Variants in EML4 observed in about 807,000 individuals in gnomAD.
EML4 encodes EMAP like 4.
Under a neutral mutation model 129.0 loss-of-function variants are expected in EML4, and 72 were observed. That is an observed-to-expected ratio of 0.56 (90% CI 0.46 to 0.68). EML4 has a LOEUF of 0.68. Among genes scored for constraint, EML4 ranks in the 30% least tolerant of loss-of-function variants. The probability of loss-of-function intolerance (pLI) is 0.00; values close to 1 mark genes in which losing one functional copy is unlikely to be tolerated. For missense variants in EML4, 1,363 were observed against 1,190.6 expected, an observed-to-expected ratio of 1.14 and a Z score of -2.13; for synonymous variants, 532 against 405.0, an observed-to-expected ratio of 1.31 and a Z score of -3.77.
rs1667869403 is a variant in EML4 at position 42,295,130 on chromosome 2, A to T, written c.1224A>T (p.Thr408=). ...KKAKGAEIKT[T]NEVVLAVEFH... is the part of the protein sequence containing the mutation. The stretch of plus-strand genomic sequence containing the variant: ...CTTTATTTCCCTTTTCATAGACAAC[A>T]AATGAAGTTGTTTTGGCTGTGGAGT... Residue 408 remains threonine (T), a synonymous_variant, in exon 12 of 23, where the codon ACA becomes ACT. Transcript: ENST00000318522. 1.9e-6 allele frequency: 3 copies of T among 1,608,128 alleles called. No homozygotes were observed. The highest frequency in any genetic ancestry group is 1.7e-6 in the Non-Finnish European group (2 of 1,178,368).
At chr2:42,175,223 C>T (rs187081574) in intron 1 of EML4, among the ~76,000 whole-genome samples, 191 of 151,636 alleles carry the variant, frequency 1.3e-3, no homozygotes, top group Middle Eastern at 3.5e-3. Flanking sequence ...AGCTATTCTC[C>T]TGCCTCAAGC....
At chr2:42,220,404 G>A (rs1420765267) in intron 1 of EML4, among the ~76,000 whole-genome samples, 1 of 151,860 alleles carries the variant, frequency 6.6e-6, no homozygotes, top group East Asian at 1.9e-4. Context: ...ATCTCTTACG[G>A]TGACCTGTGA....
intron 6 of EML4, among the ~76,000 whole-genome samples, chr2:42,272,334 T>C (rs1666418299): frequency 6.6e-6 from 1 of 152,220 alleles, no homozygotes; most frequent in South Asian, 2.1e-4. Flanking sequence ...AAAAATATTC[T>C]ATTGTTTTCC....
intron 2 of EML4, among the ~76,000 whole-genome samples, chr2:42,246,238 T>C (rs1675394368): frequency 6.6e-6 from 1 of 152,186 alleles, no homozygotes; most frequent in South Asian, 2.1e-4. Flanking sequence ...CAAGACCCTG[T>C]TGCTCTGAGT....
chr2:42,311,278 TA>T (rs1440280577), intron 17 of EML4, among the ~76,000 whole-genome samples: 1 of 152,158 alleles, frequency 6.6e-6, no homozygotes, highest in East Asian at 1.9e-4. Context: ...TTCTCCAAAA[TA>T]AAAATTGGGC....
chr2:42,283,217 C>T (rs889948748), intron 8 of EML4, among the ~76,000 whole-genome samples: 4 of 152,206 alleles, frequency 2.6e-5, no homozygotes, highest in Non-Finnish European at 5.9e-5. Context: ...TCTGCTTTCT[C>T]ATGTCGTACA....
intron 6 of EML4, among the ~76,000 whole-genome samples, chr2:42,266,130 C>G (rs868761992): frequency 3.9e-5 from 6 of 152,190 alleles, no homozygotes; most frequent in African/African-American, 1.4e-4. Context: ...ATTTTTACTT[C>G]TTTCGTTCCA....
intron 19 of EML4, chr2:42,319,597 A>C (rs1038055872): frequency 1.3e-5 from 2 of 151,984 alleles, no homozygotes; most frequent in Non-Finnish European, 2.9e-5. Context: ...GCTTTTATCT[A>C]TTGTCTGCTG....
At chr2:42,210,360 AG>A (rs1672821422) in intron 1 of EML4, among the ~76,000 whole-genome samples, 1 of 152,198 alleles carries the variant, frequency 6.6e-6, no homozygotes, top group African/African-American at 2.4e-5. Context: ...TTGGGGAGGA[AG>A]ACCACAGAGG....
intron 8 of EML4, among the ~76,000 whole-genome samples, chr2:42,284,021 C>T (rs578207898): frequency 3.3e-5 from 5 of 152,174 alleles, no homozygotes; most frequent in Non-Finnish European, 5.9e-5. Context: ...CACTCATATA[C>T]GTGCTGTGAG....
intron 1 of EML4, among the ~76,000 whole-genome samples, chr2:42,182,877 G>A (rs1671028661): frequency 6.6e-6 from 1 of 152,062 alleles, no homozygotes; most frequent in African/African-American, 2.4e-5. Context: ...GTCCTCATGT[G>A]GCCTTTTCTT....
At chr2:42,305,107 C>T (rs552052062) in intron 17 of EML4, among the ~76,000 whole-genome samples, 16 of 152,126 alleles carry the variant, frequency 1.1e-4, no homozygotes, top group Admixed American at 3.3e-4. Flanking sequence ...CAGAGCAAGA[C>T]TCCATCTCAA....
chr2:42,190,286 A>G (rs975868256), intron 1 of EML4, among the ~76,000 whole-genome samples: 2 of 152,080 alleles, frequency 1.3e-5, no homozygotes, highest in African/African-American at 4.8e-5. Flanking sequence ...GAGTCCCCCC[A>G]CAATGTCAGG....
At chr2:42,196,620 T>A (rs556212529) in intron 1 of EML4, among the ~76,000 whole-genome samples, 2 of 152,320 alleles carry the variant, frequency 1.3e-5, no homozygotes, top group Non-Finnish European at 2.9e-5. Flanking sequence ...GCTTACTTTA[T>A]GTATCTAGTT....
chr2:42,261,498 A>G (rs1324729384), intron 4 of EML4: 8 of 54,248 alleles, frequency 1.5e-4, no homozygotes, highest in East Asian at 2.7e-3. Context: ...TTAAAACTGG[A>G]AAAAAAAAAA....
intron 6 of EML4, among the ~76,000 whole-genome samples, chr2:42,277,967 A>G (rs1040847317): frequency 1.3e-5 from 2 of 152,218 alleles, no homozygotes; most frequent in African/African-American, 4.8e-5. Context: ...AAACTACTGC[A>G]TTATTACATA....
intron 13 of EML4, among the ~76,000 whole-genome samples, chr2:42,298,974 A>G (rs1249791001): frequency 1.3e-5 from 2 of 152,356 alleles, no homozygotes; most frequent in East Asian, 1.9e-4. Flanking sequence ...GTACTCTCAG[A>G]AAATTCTCAT....
At chr2:42,216,121 T>A (rs575573746) in intron 1 of EML4, among the ~76,000 whole-genome samples, 8 of 151,850 alleles carry the variant, frequency 5.3e-5, no homozygotes, top group Non-Finnish European at 1.2e-4. Flanking sequence ...GGTTTCACCA[T>A]GTTGGTCAGG....
At chr2:42,195,688 A>G (rs1671861614) in intron 1 of EML4, among the ~76,000 whole-genome samples, 1 of 152,142 alleles carries the variant, frequency 6.6e-6, no homozygotes, top group South Asian at 2.1e-4. Context: ...CTCTGTTAGG[A>G]TTTGTGCCAG....
Sources: gnomAD v4.1 joint callset for allele counts (sites outside exome capture counted in the v4.1 genomes callset) on GRCh38, gnomAD v4.1.1 for gene constraint, MANE v1.5 for transcripts, NCBI Gene and HGNC (gene_info 2026-07-23, HGNC 2026-07-21) for gene names.